The following KPNA6 variants were observed in gnomAD, a reference collection of about 807,000 sequenced individuals.
The protein encoded by KPNA6 is importin subunit alpha-7.
KPNA6 carries 9 observed loss-of-function variants against 72.0 expected under a neutral mutation model. The ratio of observed to expected loss-of-function variants is 0.13; its 90% CI spans 0.08 to 0.22. The LOEUF is 0.22. KPNA6 is among the 10% of genes least tolerant of loss of function. KPNA6 has a pLI of 1.00. For missense variants in KPNA6, 374 were observed against 655.7 expected (o/e 0.57, Z 4.69); for synonymous variants, 219 against 242.1 (o/e 0.90, Z 0.89).
At chr1:32,154,486 C>T in intron 1 of KPNA6, 102 bp from the exon 2 acceptor site, 1 of 1,295,062 alleles carries the variant, frequency 7.7e-7, no homozygotes, top group Non-Finnish European at 1.1e-6. Flanking sequence ...CTGTATTCCC[C>T]CCAGAGTAGG....
intron 11 of KPNA6, among the ~76,000 whole-genome samples, chr1:32,166,643 AG>A (rs1460296489): frequency 1.3e-3 from 174 of 138,524 alleles, no homozygotes; most frequent in African/African-American, 4.4e-3. Context: ...AAAAAAAAAA[AG>A]AGGGGCTGGG....
At chr1:32,157,885 T>C (rs1363453324) in intron 4 of KPNA6, among the ~76,000 whole-genome samples, 2 of 152,172 alleles carry the variant, frequency 1.3e-5, no homozygotes, top group African/African-American at 4.8e-5. Context: ...AAATTTAATG[T>C]ATGATTGGAA....
intron 1 of KPNA6, among the ~76,000 whole-genome samples, chr1:32,120,481 C>T (rs1423527272): frequency 6.6e-6 from 1 of 151,830 alleles, no homozygotes; most frequent in Non-Finnish European, 1.5e-5. Context: ...CTCCTGACCT[C>T]AGGCCATCTG....
At chr1:32,138,124 A>C (rs1445292556) in intron 1 of KPNA6, among the ~76,000 whole-genome samples, 1 of 151,414 alleles carries the variant, frequency 6.6e-6, no homozygotes, top group Non-Finnish European at 1.5e-5. Flanking sequence ...GACAAGAGTG[A>C]AACTCTGTCC....
chr1:32,119,026 A>ATTTTTTTTTTT (rs1221375496), intron 1 of KPNA6, among the ~76,000 whole-genome samples: 1 of 69,414 alleles, frequency 1.4e-5, no homozygotes, highest in Non-Finnish European at 2.4e-5. Context: ...ATATATATAT[A>ATTTTTTTTTTT]TATATATTTT....
rs762607741 is a variant in KPNA6, at chr1:32,157,330, T to C, written c.232-16T>C. On this transcript the variant is annotated splice_polypyrimidine_tract_variant and intron_variant, in intron 3 of 13. Coordinates refer to ENST00000373625, the MANE Select transcript of KPNA6 (RefSeq NM_012316.5). Reference sequence around the variant, plus strand: ...AATGTTGGTTTGCAAAGTCCTAAACTTGTTTTATGTTCTAGGAGAGTGTGA... The same window carrying C: ...AATGTTGGTTTGCAAAGTCCTAAACCTGTTTTATGTTCTAGGAGAGTGTGA... 6.3e-7 allele frequency: 1 copy of C among 1,599,682 alleles called. No individual in the cohort carries two copies. Among genetic ancestry groups the C allele is most frequent in the East Asian group, 2.2e-5 (1 of 44,820 alleles).
At position 32,159,490 on chromosome 1, in the gene KPNA6, A is replaced by G. The variant is rs1642198963; in HGVS notation, c.517A>G (p.Ile173Val). 1.2e-6 allele frequency: 2 copies of G among 1,614,068 alleles called. No individual in the cohort carries two copies. The highest frequency in any genetic ancestry group is 1.7e-6 in the Non-Finnish European group (2 of 1,180,018). Residue 173 changes from isoleucine (I) to valine (V), a missense_variant, in exon 6 of 14, where the codon ATA becomes GTA. Ile to Val is a conservative substitution (Grantham distance 29, BLOSUM62 3). This residue lies in a region of KPNA6 where 298 missense variants were observed against 495.4 expected (regional missense o/e 0.60). Transcript: ENST00000373625. ...VIEAGAVPIF[I>V]ELLNSDFEDV... Reference sequence around the variant, plus strand: ...TGAAGCAGGGGCTGTCCCCATTTTTATAGAGCTGCTTAATTCAGACTTTGA... The same window carrying G: ...TGAAGCAGGGGCTGTCCCCATTTTTGTAGAGCTGCTTAATTCAGACTTTGA...
chr1:32,130,208 T>A (rs187369400), intron 1 of KPNA6, among the ~76,000 whole-genome samples: 1 of 150,390 alleles, frequency 6.6e-6, no homozygotes. Context: ...TTAGTCTGGA[T>A]TTAGTAGATA....
chr1:32,176,144 G>C lies in KPNA6; in HGVS notation c.*5250G>C, dbSNP rs1642524289. 1 of 151,934 alleles carries C rather than the reference G, an allele frequency of 6.6e-6. No homozygotes were observed. The highest frequency in any genetic ancestry group is 6.6e-5 in the Admixed American group (1 of 15,238). The allele number at this position is 151,934 out of a possible 1,614,324, so 9.4% of individuals were successfully genotyped here. A position where few individuals can be genotyped will look rare whatever the true frequency, so the allele number is the denominator to read the frequency against. On this transcript the variant is annotated 3_prime_UTR_variant, in exon 14 of 14. Transcript: ENST00000373625. ...ATGAACCCTCAGACTCTGGAGTTGGGTGTCGGCTTTTTTAGCCAGCTTTTG... is the reference window on the plus strand; with the variant it reads ...ATGAACCCTCAGACTCTGGAGTTGGCTGTCGGCTTTTTTAGCCAGCTTTTG...
Position 32,175,990 on chromosome 1 carries a change from C to CA in KPNA6, c.*5097dup, listed in dbSNP as rs1205543428. The CA allele has an allele frequency of 2.6e-5, 4 of 151,732 alleles. No homozygotes were observed. Among genetic ancestry groups the CA allele is most frequent in the Admixed American group, 2.0e-4 (3 of 15,192 alleles). 9.4% of individuals were successfully genotyped at this position (151,732 alleles called of 1,614,324 possible). On this transcript the variant is annotated 3_prime_UTR_variant, in exon 14 of 14. Transcript: ENST00000373625. ...GTGTGGTGGTGGGCACCTGTGATCTCAGCTACGTGGGAGGCTGAGGCAGGA... is the reference window on the plus strand; with the variant it reads ...GTGTGGTGGTGGGCACCTGTGATCTCAAGCTACGTGGGAGGCTGAGGCAGGA...
At chr1:32,147,879 T>C (rs1313207648) in intron 1 of KPNA6, among the ~76,000 whole-genome samples, 2 of 151,934 alleles carry the variant, frequency 1.3e-5, no homozygotes, top group African/African-American at 2.4e-5. Context: ...AGGCTGTTCT[T>C]GAACTCTTGG....
intron 1 of KPNA6, among the ~76,000 whole-genome samples, chr1:32,119,030 A>ATTTTTTT (rs1402526300): frequency 3.5e-5 from 2 of 56,518 alleles, no homozygotes; most frequent in African/African-American, 7.8e-5. Context: ...ATATATATAT[A>ATTTTTTT]TATTTTTTTT....
intron 4 of KPNA6, among the ~76,000 whole-genome samples, chr1:32,157,660 ACTC>A: frequency 6.6e-6 from 1 of 152,034 alleles, no homozygotes; most frequent in South Asian, 2.1e-4. Context: ...CAACTCCCTT[ACTC>A]CTATGATTAA....
chr1:32,174,050 G>C lies in KPNA6; in HGVS notation c.*3156G>C, dbSNP rs1220659052. On this transcript the variant is annotated 3_prime_UTR_variant, in exon 14 of 14. Transcript: ENST00000373625. The stretch of plus-strand genomic sequence containing the variant: ...CTTAGAAGCCTCCCTTCAGATCCCA[G>C]CTGACCCTGGTGACTGCCTGGCCTT... 1 of 152,270 alleles carries C rather than the reference G, an allele frequency of 6.6e-6. No individual in the cohort carries two copies. The highest frequency in any genetic ancestry group is 1.5e-5 in the Non-Finnish European group (1 of 68,132). 9.4% of individuals were successfully genotyped at this position (152,270 alleles called of 1,614,324 possible).
At chr1:32,155,310 C>CTTTTCTTTTTT (rs376707303) in intron 2 of KPNA6, among the ~76,000 whole-genome samples, 10,014 of 142,124 alleles carry the variant, frequency 0.07, 546 homozygotes, top group East Asian at 0.21. Flanking sequence ...GTTACCTTTT[C>CTTTTCTTTTTT]TTTTCTTTTT....
chr1:32,136,726 A>G (rs1305217071), intron 1 of KPNA6, among the ~76,000 whole-genome samples: 1 of 152,194 alleles, frequency 6.6e-6, no homozygotes, highest in African/African-American at 2.4e-5. Flanking sequence ...CAGCCTATGG[A>G]TTCTGTTTGA....
At chr1:32,115,501 A>G (rs1641315041) in intron 1 of KPNA6, among the ~76,000 whole-genome samples, 1 of 150,444 alleles carries the variant, frequency 6.6e-6, no homozygotes, top group African/African-American at 2.5e-5. Flanking sequence ...AAGATAGCAC[A>G]CTGCAACCTC....
chr1:32,141,372 A>T (rs1570031600), intron 1 of KPNA6, among the ~76,000 whole-genome samples: 4 of 53,690 alleles, frequency 7.5e-5, no homozygotes, highest in African/African-American at 1.4e-4. Flanking sequence ...TTTTAAGTTA[A>T]TCCTTTTTTT....
intron 1 of KPNA6, among the ~76,000 whole-genome samples, chr1:32,109,576 G>A (rs1641208107): frequency 6.6e-6 from 1 of 151,676 alleles, no homozygotes; most frequent in Admixed American, 6.6e-5. Flanking sequence ...TTGTAAATGT[G>A]TTTGGGTTTT....
Sources: allele counts gnomAD v4.1 joint callset (sites outside exome capture counted in the v4.1 genomes callset), GRCh38; gene constraint gnomAD v4.1.1; regional missense constraint gnomAD v4.1.1; transcripts MANE v1.5; gene names NCBI Gene and HGNC (gene_info 2026-07-23, HGNC 2026-07-21).